Variants in CAST observed in about 807,000 individuals in gnomAD.
CAST encodes the protein calpastatin, also known as MIR583 host.
In CAST, 76 loss-of-function variants were observed where a neutral mutation model predicts 119.6. That is an observed-to-expected ratio of 0.64 (90% confidence interval 0.53 to 0.77). The LOEUF (loss-of-function observed/expected upper bound fraction) is 0.77, where lower values mean the gene tolerates loss of function less well. Among genes scored for constraint, CAST ranks in the 30% least tolerant of loss-of-function variants. The probability of loss-of-function intolerance (pLI) is 0.00; values close to 1 mark genes in which losing one functional copy is unlikely to be tolerated. For synonymous variants in CAST, 319 were observed against 331.6 expected (o/e 0.96, Z 0.41); for missense variants, 953 against 946.5 (o/e 1.01, Z -0.09).
the CAST span, among the ~76,000 whole-genome samples, chr5:96,297,392 AT>A: frequency 2.6e-5 from 4 of 152,228 alleles, no homozygotes; most frequent in African/African-American, 9.6e-5. Context: ...TTTCCTCCAT[AT>A]CCAACCAGAT....
At chr5:96,394,350 A>T in the CAST span, among the ~76,000 whole-genome samples, 2 of 152,236 alleles carry the variant, frequency 1.3e-5, no homozygotes, top group African/African-American at 4.8e-5. Context: ...TTTGAGAAAA[A>T]GTGTGATCTA....
chr5:96,100,593 T>C, the CAST span, among the ~76,000 whole-genome samples: 4 of 152,206 alleles, frequency 2.6e-5, no homozygotes, highest in African/African-American at 4.8e-5. Context: ...GTGCACTCTC[T>C]ACCTGGGTGG....
intron 1 of CAST, among the ~76,000 whole-genome samples, chr5:96,607,708 A>C (rs1028412067): frequency 6.6e-6 from 1 of 151,196 alleles, no homozygotes; most frequent in Non-Finnish European, 1.5e-5. Flanking sequence ...TTGTTCTTTA[A>C]GTCAGTTGGT....
At chr5:96,270,217 A>C in the CAST span, among the ~76,000 whole-genome samples, 1 of 152,142 alleles carries the variant, frequency 6.6e-6, no homozygotes, top group African/African-American at 2.4e-5. Flanking sequence ...ACCCCCAACA[A>C]ACTGGAAATG....
At chr5:96,465,440 TG>T in the CAST span, among the ~76,000 whole-genome samples, 3 of 152,104 alleles carry the variant, frequency 2.0e-5, no homozygotes, top group Admixed American at 2.0e-4. Context: ...CAATGTGAAA[TG>T]GAAGTGTTGG....
chr5:95,978,667 A>G, the CAST span, among the ~76,000 whole-genome samples: 1 of 151,972 alleles, frequency 6.6e-6, no homozygotes, highest in Non-Finnish European at 1.5e-5. Context: ...CTATTTGTCA[A>G]TTTTTGCTTT....
At chr5:96,136,418 C>G in the CAST span, among the ~76,000 whole-genome samples, 3 of 152,088 alleles carry the variant, frequency 2.0e-5, no homozygotes, top group Admixed American at 2.0e-4. Context: ...ACTCCAGGCT[C>G]AACTTGCATA....
chr5:96,363,295 T>G, the CAST span, among the ~76,000 whole-genome samples: 5 of 149,270 alleles, frequency 3.3e-5, no homozygotes, highest in African/African-American at 1.0e-4. Context: ...TTCTTTTGGC[T>G]TAGGATTGAC....
chr5:96,759,331 T>C (rs1767149323), intron 24 of CAST, among the ~76,000 whole-genome samples: 2 of 152,138 alleles, frequency 1.3e-5, no homozygotes, highest in African/African-American at 4.8e-5. Context: ...AGAAATGCTA[T>C]ATAAAAAGAA....
intron 27 of CAST, 135 bp downstream of exon 27, chr5:96,766,280 C>T: frequency 5.2e-6 from 3 of 574,042 alleles, no homozygotes; most frequent in East Asian, 2.9e-5. Flanking sequence ...TCTAATGTGT[C>T]ACCAAAGCCG....
At chr5:96,493,720 CTGCTCTTTCTCT>C in the CAST span, among the ~76,000 whole-genome samples, 1 of 152,084 alleles carries the variant, frequency 6.6e-6, no homozygotes, top group Non-Finnish European at 1.5e-5. Context: ...TAAAACATGC[CTGCTCTTTCTCT>C]TCAGCAGTGC....
the CAST span, among the ~76,000 whole-genome samples, chr5:96,087,137 A>G: frequency 1.1e-4 from 17 of 152,366 alleles, no homozygotes; most frequent in Admixed American, 9.2e-4. Context: ...TTGCTTTCAT[A>G]TAACTCTGAT....
At chr5:96,740,689 C>T (rs375426765) in intron 12 of CAST, 56 bp from the exon 13 acceptor site, 39 of 1,320,006 alleles carry the variant, frequency 3.0e-5, no homozygotes, top group African/African-American at 2.2e-4. Context: ...TACATTTTGC[C>T]GATCTTAAGG....
the CAST span, among the ~76,000 whole-genome samples, chr5:96,226,253 G>A: frequency 6.6e-6 from 1 of 152,080 alleles, no homozygotes; most frequent in African/African-American, 2.4e-5. Flanking sequence ...CTGGCAATTG[G>A]TCCAAAGCCA....
chr5:96,473,174 G>T, the CAST span, among the ~76,000 whole-genome samples: 1 of 152,180 alleles, frequency 6.6e-6, no homozygotes, highest in Non-Finnish European at 1.5e-5. Context: ...GGTACCAGGG[G>T]TTAGGATGGG....
At chr5:96,647,681 A>C (rs1298866305) in intron 1 of CAST, among the ~76,000 whole-genome samples, 1 of 152,198 alleles carries the variant, frequency 6.6e-6, no homozygotes, top group African/African-American at 2.4e-5. Context: ...AAATAAACTA[A>C]ACTGAGGCAC....
At chr5:96,098,863 G>A in the CAST span, among the ~76,000 whole-genome samples, 1 of 152,112 alleles carries the variant, frequency 6.6e-6, no homozygotes, top group Non-Finnish European at 1.5e-5. Flanking sequence ...GTGAAGAATG[G>A]TCAATTGTAG....
At chr5:96,310,016 G>GA in the CAST span, among the ~76,000 whole-genome samples, 1 of 152,208 alleles carries the variant, frequency 6.6e-6, no homozygotes, top group Non-Finnish European at 1.5e-5. Context: ...GATTCTAGAG[G>GA]AAAGGGTTCC....
chr5:96,025,958 T>C, the CAST span, among the ~76,000 whole-genome samples: 2 of 152,136 alleles, frequency 1.3e-5, no homozygotes, highest in Admixed American at 6.5e-5. Flanking sequence ...AGAGGTAGGG[T>C]GTGGTGGCTC....
Sources: allele counts gnomAD v4.1 joint callset (sites outside exome capture counted in the v4.1 genomes callset), GRCh38; gene constraint gnomAD v4.1.1; transcripts MANE v1.5; gene names NCBI Gene and HGNC (gene_info 2026-07-23, HGNC 2026-07-21).